Variants in PGCKA1 observed in about 807,000 individuals in gnomAD.
The protein encoded by PGCKA1 is PDCD10 and GCKIII kinases-associated protein 1.
the PGCKA1 span, among the ~76,000 whole-genome samples, chr4:37,516,408 G>A: frequency 2.0e-5 from 3 of 152,224 alleles, no homozygotes; most frequent in African/African-American, 7.2e-5. Context: ...TATGTGGCAT[G>A]AGTATATGTC....
chr4:37,536,014 T>C, the PGCKA1 span, among the ~76,000 whole-genome samples: 4 of 152,268 alleles, frequency 2.6e-5, no homozygotes, highest in Admixed American at 2.0e-4. Flanking sequence ...CATAAAGTGC[T>C]TGGCACATAG....
the PGCKA1 span, among the ~76,000 whole-genome samples, chr4:37,589,327 T>A: frequency 1.1e-4 from 16 of 152,264 alleles, no homozygotes; most frequent in African/African-American, 3.4e-4. Context: ...ACTGTCTTTT[T>A]AATCATAGTT....
the PGCKA1 span, among the ~76,000 whole-genome samples, chr4:37,553,946 G>C: frequency 6.6e-6 from 1 of 152,196 alleles, no homozygotes. Flanking sequence ...AAGACGGAAA[G>C]TGATCAGAGC....
the PGCKA1 span, among the ~76,000 whole-genome samples, chr4:37,456,019 T>C: frequency 7.9e-5 from 12 of 152,370 alleles, no homozygotes; most frequent in Non-Finnish European, 1.8e-4. Context: ...CTTGGTTAAA[T>C]AGTAACTAGT....
At chr4:37,537,254 CA>C in the PGCKA1 span, among the ~76,000 whole-genome samples, 1 of 152,144 alleles carries the variant, frequency 6.6e-6, no homozygotes, top group Admixed American at 6.5e-5. Context: ...TTTCCTTTTG[CA>C]TTACATGTAT....
the PGCKA1 span, among the ~76,000 whole-genome samples, chr4:37,498,019 C>A: frequency 1.3e-5 from 2 of 151,994 alleles, no homozygotes; most frequent in Admixed American, 1.3e-4. Flanking sequence ...ATATTATGTT[C>A]TAGAATTTTT....
At chr4:37,572,079 T>TTTTTTTTTTG in the PGCKA1 span, among the ~76,000 whole-genome samples, 2 of 145,160 alleles carry the variant, frequency 1.4e-5, no homozygotes, top group African/African-American at 2.5e-5. Context: ...TTTTTTTTTT[T>TTTTTTTTTTG]TGAGACGGAG....
the PGCKA1 span, among the ~76,000 whole-genome samples, chr4:37,564,057 G>T: frequency 6.6e-6 from 1 of 152,076 alleles, no homozygotes; most frequent in Non-Finnish European, 1.5e-5. Flanking sequence ...TGGATCACCG[G>T]AGATCAGGAG....
At chr4:37,514,815 C>CA in the PGCKA1 span, among the ~76,000 whole-genome samples, 5 of 152,140 alleles carry the variant, frequency 3.3e-5, no homozygotes, top group Non-Finnish European at 7.3e-5. Flanking sequence ...CTGGAGGATC[C>CA]ATCCTCAAGA....
chr4:37,500,067 C>T, the PGCKA1 span, among the ~76,000 whole-genome samples: 3 of 151,768 alleles, frequency 2.0e-5, no homozygotes, highest in East Asian at 1.9e-4. Flanking sequence ...GGACTATAGG[C>T]GCCCGCCACC....
At chr4:37,538,124 G>GT in the PGCKA1 span, among the ~76,000 whole-genome samples, 626 of 151,968 alleles carry the variant, frequency 4.1e-3, 4 homozygotes, top group African/African-American at 0.014. Context: ...TCAAATCTTG[G>GT]TTTGAAAATC....
At chr4:37,497,416 C>T in the PGCKA1 span, among the ~76,000 whole-genome samples, 30 of 152,074 alleles carry the variant, frequency 2.0e-4, 1 homozygote, top group South Asian at 4.1e-4. Context: ...GTATCTTTTT[C>T]GAATAATGAC....
the PGCKA1 span, among the ~76,000 whole-genome samples, chr4:37,586,655 A>G: frequency 6.6e-6 from 1 of 152,230 alleles, no homozygotes; most frequent in Non-Finnish European, 1.5e-5. Flanking sequence ...CACGCCTGTA[A>G]TCCCAGCACT....
the PGCKA1 span, among the ~76,000 whole-genome samples, chr4:37,528,703 G>A: frequency 3.3e-3 from 508 of 152,294 alleles, 3 homozygotes; most frequent in African/African-American, 0.01. Flanking sequence ...GGCAGGAATC[G>A]TCCCACTATA....
the PGCKA1 span, among the ~76,000 whole-genome samples, chr4:37,518,078 T>A: frequency 6.6e-6 from 1 of 152,246 alleles, no homozygotes; most frequent in Admixed American, 6.5e-5. Context: ...TCTAAGTTGT[T>A]GCAAATTACT....
the PGCKA1 span, among the ~76,000 whole-genome samples, chr4:37,491,812 G>A: frequency 6.6e-6 from 1 of 151,650 alleles, no homozygotes; most frequent in East Asian, 1.9e-4. Context: ...TAGAATTATT[G>A]GATTATCTGC....
the PGCKA1 span, among the ~76,000 whole-genome samples, chr4:37,519,403 A>G: frequency 2.0e-5 from 3 of 152,058 alleles, no homozygotes; most frequent in African/African-American, 7.2e-5. Context: ...ACAAATATGG[A>G]ATATCTTTCC....
the PGCKA1 span, among the ~76,000 whole-genome samples, chr4:37,534,601 A>G: frequency 2.0e-5 from 3 of 152,356 alleles, no homozygotes; most frequent in South Asian, 6.2e-4. Flanking sequence ...AATTTATTTC[A>G]CATAATTCTG....
At chr4:37,494,169 G>T in the PGCKA1 span, among the ~76,000 whole-genome samples, 1 of 152,180 alleles carries the variant, frequency 6.6e-6, no homozygotes, top group Non-Finnish European at 1.5e-5. Context: ...TACATGTAGA[G>T]GTTTGTTATA....
Sources: allele counts gnomAD v4.1 joint callset (sites outside exome capture counted in the v4.1 genomes callset), GRCh38; gene constraint gnomAD v4.1.1; transcripts MANE v1.5; gene names NCBI Gene and HGNC (gene_info 2026-07-23, HGNC 2026-07-21).